The following TMEM163 variants were observed in gnomAD, a reference collection of about 807,000 sequenced individuals.
TMEM163 encodes transmembrane protein 163.
A neutral mutation model predicts 29.3 loss-of-function variants in TMEM163; 17 were observed. The ratio of observed to expected loss-of-function variants is 0.58; its 90% CI spans 0.40 to 0.87. The LOEUF is 0.87. Ranked by LOEUF, TMEM163 falls within the 40% of genes least tolerant of loss-of-function variation. The pLI is 0.00. For missense variants in TMEM163, 303 were observed against 381.5 expected (o/e 0.79, Z 1.71); for synonymous variants, 157 against 160.6 (o/e 0.98, Z 0.17).
chr2:134,656,499 AC>A (rs1683618010), intron 2 of TMEM163, among the ~76,000 whole-genome samples: 1 of 151,882 alleles, frequency 6.6e-6, no homozygotes, highest in South Asian at 2.1e-4. Context: ...TGCAGAAATC[AC>A]CCGTCTTCTG....
chr2:134,586,491 C>T (rs1681826924), intron 2 of TMEM163, among the ~76,000 whole-genome samples: 1 of 152,194 alleles, frequency 6.6e-6, no homozygotes, highest in African/African-American at 2.4e-5. Context: ...GTCCACATTT[C>T]CCCTTTTCAT....
intron 4 of TMEM163, among the ~76,000 whole-genome samples, chr2:134,527,559 G>T (rs1377888968): frequency 6.6e-6 from 1 of 152,152 alleles, no homozygotes; most frequent in Non-Finnish European, 1.5e-5. Context: ...AGGTCTAAGG[G>T]CTTTACAATT....
intron 4 of TMEM163, among the ~76,000 whole-genome samples, chr2:134,541,019 A>T (rs1376057042): frequency 2.0e-5 from 3 of 152,224 alleles, no homozygotes; most frequent in African/African-American, 7.2e-5. Context: ...CATTAATTAA[A>T]TGCAGGTAAT....
chr2:134,549,442 G>A (rs1680862377), intron 4 of TMEM163, among the ~76,000 whole-genome samples: 1 of 152,172 alleles, frequency 6.6e-6, no homozygotes, highest in African/African-American at 2.4e-5. Flanking sequence ...CCACCTCCTG[G>A]GTTCAAGCAA....
At chr2:134,712,894 C>T (rs1483695090) in intron 2 of TMEM163, among the ~76,000 whole-genome samples, 1 of 152,134 alleles carries the variant, frequency 6.6e-6, no homozygotes, top group Non-Finnish European at 1.5e-5. Context: ...CATGTCAGCC[C>T]AAGCTGAAGG....
intron 4 of TMEM163, among the ~76,000 whole-genome samples, chr2:134,510,829 G>C (rs1679930326): frequency 6.6e-6 from 1 of 152,134 alleles, no homozygotes; most frequent in Non-Finnish European, 1.5e-5. Flanking sequence ...CATTTTCCTG[G>C]GGCTTCCAGG....
At chr2:134,597,792 G>T (rs1025114026) in intron 2 of TMEM163, among the ~76,000 whole-genome samples, 7 of 152,248 alleles carry the variant, frequency 4.6e-5, no homozygotes, top group Middle Eastern at 3.4e-3. Flanking sequence ...CAATTTCAGA[G>T]CCTGTTATTG....
In TMEM163 at chr2:134,631,218, C is replaced by T. The variant is rs62169030; in HGVS notation, c.323-79127G>A. Among the ~76,000 whole-genome samples the T allele has an allele frequency of 4.9e-3, 741 of 152,276 alleles. 4 individuals are homozygous for T. The highest frequency in any genetic ancestry group is 0.022 in the South Asian group (106 of 4,826). ...AGGGGGACATGGCAGTTCCGACATT[C>T]GCAGGCAGTTGGGAAGGGTCCTAGA... On this transcript the variant is annotated intron_variant, in intron 2 of 7. Coordinates refer to ENST00000281924, the MANE Select transcript of TMEM163 (RefSeq NM_030923.5).
rs1238562013 is a variant in TMEM163, at chr2:134,455,980, A to ATC, written c.*735_*736insGA. 1.3e-5 allele frequency: 2 copies of ATC among 152,710 alleles called. No individual in the cohort carries two copies. Among genetic ancestry groups the ATC allele is most frequent in the Non-Finnish European group, 2.9e-5 (2 of 68,104 alleles). The allele number at this position is 152,710 out of a possible 1,614,324, so 9.5% of individuals were successfully genotyped here. Reference sequence around the variant, plus strand: ...CTTAACACAGCATATAGATATATGCATATACGGATAGATTATATTTATTTA... The same window carrying ATC: ...CTTAACACAGCATATAGATATATGCATCTATACGGATAGATTATATTTATTTA... On this transcript the variant is annotated 3_prime_UTR_variant, in exon 8 of 8. Transcript: ENST00000281924.
At chr2:134,690,089 C>T (rs1308948352) in intron 2 of TMEM163, among the ~76,000 whole-genome samples, 1 of 152,066 alleles carries the variant, frequency 6.6e-6, no homozygotes, top group African/African-American at 2.4e-5. Context: ...CACCACCATG[C>T]CTGGCTAATT....
intron 4 of TMEM163, among the ~76,000 whole-genome samples, chr2:134,511,696 T>C (rs1679953594): frequency 6.6e-6 from 1 of 152,190 alleles, no homozygotes; most frequent in Non-Finnish European, 1.5e-5. Flanking sequence ...AGGGAACCAG[T>C]GGCTGTTTTG....
intron 2 of TMEM163, among the ~76,000 whole-genome samples, chr2:134,700,053 T>C (rs1213977851): frequency 2.0e-5 from 3 of 152,210 alleles, no homozygotes; most frequent in Non-Finnish European, 2.9e-5. Context: ...TTTAATGCAA[T>C]CTATCTCTGA....
In TMEM163 at chr2:134,499,153, T is replaced by C. The variant is rs373730047; in HGVS notation, c.555+3748A>G. Among the ~76,000 whole-genome samples the C allele has an allele frequency of 1.6e-4, 24 of 152,172 alleles. No individual in the cohort carries two copies. In the East Asian group the frequency reaches 4.1e-3, roughly 26 times the overall value. ...GAATGGTTAAGACATCATAAAGATA[T>C]ACCATTTTTACTTGTTAATTAAAAA... On this transcript the variant is annotated intron_variant, in intron 5 of 7. Transcript: ENST00000281924.
intron 4 of TMEM163, among the ~76,000 whole-genome samples, chr2:134,543,993 C>A (rs1353031906): frequency 1.3e-5 from 2 of 152,164 alleles, no homozygotes; most frequent in African/African-American, 4.8e-5. Context: ...TCCAGGTGAA[C>A]AACATCTCCC....
At chr2:134,591,283 G>A (rs993503316) in intron 2 of TMEM163, among the ~76,000 whole-genome samples, 8 of 152,186 alleles carry the variant, frequency 5.3e-5, no homozygotes, top group Admixed American at 1.3e-4. Context: ...TCAGTTGTGA[G>A]TCTCTCACAA....
At chr2:134,511,342 G>A (rs1029834404) in intron 4 of TMEM163, among the ~76,000 whole-genome samples, 5 of 152,146 alleles carry the variant, frequency 3.3e-5, no homozygotes, top group Admixed American at 2.0e-4. Context: ...CTACGGCAAC[G>A]AGGCCAACGT....
chr2:134,551,817 C>T (rs992158045), intron 3 of TMEM163, among the ~76,000 whole-genome samples: 1 of 152,214 alleles, frequency 6.6e-6, no homozygotes, highest in Non-Finnish European at 1.5e-5. Flanking sequence ...CACCCAACCA[C>T]GTTGTGGGAA....
In TMEM163 at chr2:134,682,181, C is replaced by T. The variant is rs117648522; in HGVS notation, c.322+31019G>A. Among the ~76,000 whole-genome samples the T allele has an allele frequency of 1.3e-3, 202 of 152,274 alleles. 1 individual carries two copies. Among genetic ancestry groups the T allele is most frequent in the East Asian group, 6.8e-3 (35 of 5,184 alleles). ...CTGCTATTCTTGATGCATGGGACTG[C>T]GGTTAATCCATCACATACAACACTC... On this transcript the variant is annotated intron_variant, in intron 2 of 7. Coordinates refer to ENST00000281924, the MANE Select transcript of TMEM163 (RefSeq NM_030923.5).
chr2:134,519,105 G>A (rs563875449), intron 4 of TMEM163, among the ~76,000 whole-genome samples: 2 of 152,302 alleles, frequency 1.3e-5, no homozygotes, highest in East Asian at 3.9e-4. Flanking sequence ...AAAAGTGACA[G>A]TCCTTGGCAG....
Sources: allele counts gnomAD v4.1 joint callset (sites outside exome capture counted in the v4.1 genomes callset), GRCh38; gene constraint gnomAD v4.1.1; transcripts MANE v1.5; gene names NCBI Gene and HGNC (gene_info 2026-07-23, HGNC 2026-07-21).